The following SALL2 variants were observed in gnomAD, a reference collection of about 807,000 sequenced individuals.
The protein encoded by SALL2 is spalt like transcription factor 2.
A neutral mutation model predicts 58.5 loss-of-function variants in SALL2; 32 were observed. The ratio of observed to expected loss-of-function variants is 0.55; its 90% CI spans 0.41 to 0.74. The LOEUF is 0.74. Among genes scored for constraint, SALL2 ranks in the 30% least tolerant of loss-of-function variants. The pLI is 0.00. For synonymous variants in SALL2, 516 were observed against 513.6 expected (o/e 1.00, Z -0.06); for missense variants, 1,201 against 1,268.9 (o/e 0.95, Z 0.81).
intron 1 of SALL2, among the ~76,000 whole-genome samples, chr14:21,531,445 T>G (rs1892456767): frequency 6.6e-6 from 1 of 152,170 alleles, no homozygotes; most frequent in East Asian, 1.9e-4. Context: ...TCACTCTTGT[T>G]GCCCAGGCTG....
rs754175930 is a variant in SALL2 at position 21,522,926 on chromosome 14, G to A, written c.2796C>T (p.Pro932=). The A allele has an allele frequency of 1.2e-6, 2 of 1,613,920 alleles. No homozygotes were observed. Among genetic ancestry groups the A allele is most frequent in the East Asian group, 2.2e-5 (1 of 44,874 alleles). Residue 932 remains proline (P), a synonymous_variant, in exon 2 of 2, where the codon CCC becomes CCT. Coordinates refer to ENST00000537235, the MANE Select transcript of SALL2 (RefSeq NM_001364564.1). Reference sequence around the variant, plus strand: ...CACAAGTGAAGAGCGGCCCCTCCTTGGGGTGGGTCTTCTGATGCTCCTCCA... The same window carrying A: ...CACAAGTGAAGAGCGGCCCCTCCTTAGGGTGGGTCTTCTGATGCTCCTCCA... ...AALEEHQKTH[P]KEGPLFTCVF...
chr14:21,525,007 G>C lies in SALL2; in HGVS notation c.715C>G (p.Leu239Val). 6.2e-7 allele frequency: 1 copy of C among 1,613,876 alleles called. No individual in the cohort carries two copies. The highest frequency in any genetic ancestry group is 8.5e-7 in the Non-Finnish European group (1 of 1,179,888). The change falls in exon 2 of 2, where the codon CTC becomes GTC. Residue 239 changes from leucine to valine, a missense_variant. Leu to Val is a conservative substitution (Grantham distance 32). Coordinates refer to ENST00000537235, the MANE Select transcript of SALL2 (RefSeq NM_001364564.1). This position sits in a 1 kb window ranked among gnomAD's most constrained non-coding sequence, Gnocchi z 4.4. ...TASSTKPLLP[L>V]FSPIKPVQTS... is the part of the protein sequence containing the mutation. ...TGGACAGGCTTGATGGGGCTGAAGA[G>C]GGGTAGTAGGGGCTTGGTGGAAGAG...
Position 21,523,426 on chromosome 14 carries a change from C to T in SALL2, c.2296G>A (p.Glu766Lys). The change falls in exon 2 of 2, where the codon GAG (glutamate) becomes AAG (lysine). Residue 766 changes from glutamate (E) to lysine (K), a missense_variant. This residue lies in a region of SALL2 where 675 missense variants were observed against 683.8 expected (regional missense o/e 0.99). Coordinates refer to ENST00000537235, the MANE Select transcript of SALL2 (RefSeq NM_001364564.1). This position sits in a 1 kb window ranked among gnomAD's most constrained non-coding sequence, Gnocchi z 4.4. ...PEEELSEEEEEEDEEEEEDVT... is the reference protein window; with the variant it reads ...PEEELSEEEEKEDEEEEEDVT... ...TCTTCCTCTTCTTCCTCATCCTCCT[C>T]TTCCTCCTCCTCAGACAACTCCTCT... 6.2e-7 allele frequency: 1 copy of T among 1,613,768 alleles called. No homozygotes were observed. Among genetic ancestry groups the T allele is most frequent in the Non-Finnish European group, 8.5e-7 (1 of 1,179,774 alleles).
rs907553203 is a variant in SALL2, at chr14:21,522,447, T to C, written c.*257A>G. On this transcript the variant is annotated 3_prime_UTR_variant, in exon 2 of 2. Transcript: ENST00000537235. Reference sequence around the variant, plus strand: ...GTCACACCAGGGAAGCTGGAGAGGGTTCCCCTTGAGAAAGCTGCAGAGAAT... The same window carrying C: ...GTCACACCAGGGAAGCTGGAGAGGGCTCCCCTTGAGAAAGCTGCAGAGAAT... The C allele has an allele frequency of 6.4e-5, 90 of 1,400,628 alleles. No individual in the cohort carries two copies. Among genetic ancestry groups the C allele is most frequent in the African/African-American group, 8.7e-5 (6 of 69,126 alleles). The allele number at this position is 1,400,628 out of a possible 1,614,324, so 86.8% of individuals were successfully genotyped here. A position where few individuals can be genotyped will look rare whatever the true frequency, so the allele number is the denominator to read the frequency against.
At chr14:21,535,656 C>G (rs1373297724) in intron 1 of SALL2, among the ~76,000 whole-genome samples, 1 of 152,178 alleles carries the variant, frequency 6.6e-6, no homozygotes, top group Non-Finnish European at 1.5e-5. Flanking sequence ...CAGCCAAGGT[C>G]ACATAGCTAA....
At chr14:21,526,487 G>A (rs1334619976), upstream of SALL2, 5 of 1,255,166 alleles carry the variant, frequency 4.0e-6, no homozygotes, top group Non-Finnish European at 5.0e-6. Flanking sequence ...CGGAGGCGCA[G>A]TGACAGGTGC....
chr14:21,532,992 T>TAAAA (rs1566518907), intron 1 of SALL2, among the ~76,000 whole-genome samples: 1 of 151,100 alleles, frequency 6.6e-6, no homozygotes, highest in Non-Finnish European at 1.5e-5. Context: ...AATAAATAAA[T>TAAAA]AAAATAATAA....
Position 21,525,648 on chromosome 14 carries a change from G to C in SALL2, c.74C>G (p.Ala25Gly). ...CGEPAELGGD[A>G]SEEDHPQVCA... ...GACTTGGGGGTGATCCTCCTCGCTA[G>C]CATCACCTGGGGAGAAGACAAGGAG... Residue 25 changes from alanine to glycine, a missense_variant, in exon 2 of 2, where the codon GCT (alanine) becomes GGT (glycine). By Grantham distance (60) the Ala-to-Gly change is moderately conservative. Coordinates refer to ENST00000537235, the MANE Select transcript of SALL2 (RefSeq NM_001364564.1). This position sits in a 1 kb window ranked among gnomAD's most constrained non-coding sequence, Gnocchi z 4.4. The C allele has an allele frequency of 6.4e-7, 1 of 1,570,824 alleles. No homozygotes were observed. The highest frequency in any genetic ancestry group is 2.2e-5 in the East Asian group (1 of 44,448).
chr14:21,526,015 C>CCCCCACCCCCCCCCCCCCCA, intron 1 of SALL2, 46 bp downstream of exon 1: 2 of 888,448 alleles, frequency 2.3e-6, no homozygotes, highest in Non-Finnish European at 3.6e-6. Flanking sequence ...CCCTGCGCAT[C>CCCCCACCCCCCCCCCCCCCA]CCCCTCCGCC....
In SALL2 at chr14:21,525,390, C is replaced by T; in HGVS notation, c.332G>A (p.Gly111Asp). ...GSSVPTDPTW[G>D]PERRGEESSG... ...AGACTCCTCTCCTCTCCTCTCTGGGCCCCAGGTGGGATCCGTGGGCACGGA... is the reference window on the plus strand; with the variant it reads ...AGACTCCTCTCCTCTCCTCTCTGGGTCCCAGGTGGGATCCGTGGGCACGGA... Residue 111 changes from glycine (G) to aspartate (D), a missense_variant, in exon 2 of 2, where the codon GGC becomes GAC. By Grantham distance (94) the Gly-to-Asp change is moderately conservative. Around this residue, in one of 3 missense-constraint regions of SALL2, gnomAD observed 467 missense variants for 468.9 expected, o/e 1.00. Coordinates refer to ENST00000537235, the MANE Select transcript of SALL2 (RefSeq NM_001364564.1). This position sits in a 1 kb window ranked among gnomAD's most constrained non-coding sequence, Gnocchi z 4.4. The T allele has an allele frequency of 6.2e-7, 1 of 1,614,024 alleles. No individual in the cohort carries two copies. The highest frequency in any genetic ancestry group is 2.2e-5 in the East Asian group (1 of 44,866).
rs562279739 is a variant in SALL2, at chr14:21,532,999, A to G, written c.-114+3963T>C. 3.3e-5 allele frequency among the ~76,000 whole-genome samples: 5 copies of G among 151,830 alleles called. No homozygotes were observed. The East Asian group carries it at 9.7e-4, about 30-fold the overall frequency. ...AATAAATAAATAAATAAATAAAATAATAATAATAACGGAGTTGGGAGGAAA... is the reference window on the plus strand; with the variant it reads ...AATAAATAAATAAATAAATAAAATAGTAATAATAACGGAGTTGGGAGGAAA... On this transcript the variant is annotated intron_variant, in intron 1 of 1. Transcript: ENST00000541965.
At chr14:21,536,769 G>T in intron 1 of SALL2, 2 of 1,183,562 alleles carry the variant, frequency 1.7e-6, no homozygotes, top group Non-Finnish European at 2.5e-6. Flanking sequence ...TTCGCCCATG[G>T]CCCGAGTGCC....
rs1892237826 is a variant in SALL2, at chr14:21,525,170, T to C, written c.552A>G (p.Leu184=). The C allele has an allele frequency of 6.2e-7, 1 of 1,613,940 alleles. No individual in the cohort carries two copies. The highest frequency in any genetic ancestry group is 8.5e-7 in the Non-Finnish European group (1 of 1,179,946). ...GGATCTGCCGCTGCTGCAGCACCCG[T>C]AGCTCTTCCAAGATCAGGGGGATAT... ...HLNIPLILEE[L]RVLQQRQIHQ... Residue 184 remains leucine, a synonymous_variant, in exon 2 of 2, where the codon CTA becomes CTG. Transcript: ENST00000537235. This position sits in a 1 kb window ranked among gnomAD's most constrained non-coding sequence, Gnocchi z 4.4.
Position 21,525,225 on chromosome 14 carries a change from G to A in SALL2, c.497C>T (p.Pro166Leu), listed in dbSNP as rs144885457. 11,183 of 1,612,312 alleles carry A rather than the reference G, an allele frequency of 6.9e-3. 61 individuals are homozygous for A. Among genetic ancestry groups the A allele is most frequent in the East Asian group, 0.019 (835 of 44,876 alleles). Residue 166 changes from proline (P) to leucine (L), a missense_variant, in exon 2 of 2, where the codon CCG becomes CTG. Pro to Leu is a moderately conservative substitution (Grantham distance 98). Around this residue, in one of 3 missense-constraint regions of SALL2, gnomAD observed 467 missense variants for 468.9 expected, o/e 1.00. Transcript: ENST00000537235. This position sits in a 1 kb window ranked among gnomAD's most constrained non-coding sequence, Gnocchi z 4.4. ...GTGGCCACTGCCTACCCCTGGGGGC[G>A]GAGGGGGTGGTGGAGGAGGAGGGGG... The part of the protein sequence containing the change: ...PAPPPPPPPP[P>L]PPGVGSGHLN...
In SALL2 at chr14:21,525,670, GGA is replaced by G; in HGVS notation, c.68-18_68-17del. ...CTAGCATCACCTGGGGAGAAGACAA[GGA>G]GAGAGAGCGTGGGTGGCGCAGTTGG... is the stretch of plus-strand genomic sequence containing the variant. On this transcript the variant is annotated splice_polypyrimidine_tract_variant and intron_variant, in intron 1 of 1. Coordinates refer to ENST00000537235, the MANE Select transcript of SALL2 (RefSeq NM_001364564.1). This position sits in a 1 kb window ranked among gnomAD's most constrained non-coding sequence, Gnocchi z 4.4. 1.3e-6 allele frequency: 2 copies of G among 1,550,806 alleles called. No homozygotes were observed. The highest frequency in any genetic ancestry group is 1.7e-6 in the Non-Finnish European group (2 of 1,146,572).
Position 21,523,101 on chromosome 14 carries a change from G to A in SALL2, c.2621C>T (p.Ala874Val). 1 of 1,614,172 alleles carries A rather than the reference G, an allele frequency of 6.2e-7. No homozygotes were observed. The highest frequency in any genetic ancestry group is 8.5e-7 in the Non-Finnish European group (1 of 1,180,040). Reference sequence around the variant, plus strand: ...TTCCCCTTCTGGGGTGAGTGCTGATGCCGGACTTGAGCTTCTCTCCGGTTT... The same window carrying A: ...TTCCCCTTCTGGGGTGAGTGCTGATACCGGACTTGAGCTTCTCTCCGGTTT... The part of the protein sequence containing the change: ...GGKPERSSSP[A>V]SALTPEGEAT... Residue 874 changes from alanine (A) to valine (V), a missense_variant, in exon 2 of 2, where the codon GCA becomes GTA. Around this residue, in one of 3 missense-constraint regions of SALL2, gnomAD observed 675 missense variants for 683.8 expected, o/e 0.99. Coordinates refer to ENST00000537235, the MANE Select transcript of SALL2 (RefSeq NM_001364564.1). The surrounding 1 kb of genome is among the most constrained non-coding windows in gnomAD (Gnocchi z 4.4).
In SALL2 at chr14:21,522,077, T is replaced by C. The variant is rs979215710; in HGVS notation, c.*627A>G. The C allele has an allele frequency of 1.2e-5, 19 of 1,597,502 alleles. No individual in the cohort carries two copies. The highest frequency in any genetic ancestry group is 1.6e-5 in the Non-Finnish European group (19 of 1,179,548). On this transcript the variant is annotated 3_prime_UTR_variant, in exon 2 of 2. Transcript: ENST00000537235. ...CAGGAGGCTGAAATAGGAGGGGGGC[T>C]GTCTTCTCCTTGGCTTCCCTGGATC...
At chr14:21,536,838 C>A (rs548874600) in intron 1 of SALL2, 3 of 1,613,780 alleles carry the variant, frequency 1.9e-6, no homozygotes, top group Non-Finnish European at 1.7e-6. Context: ...CACCCCTCCC[C>A]AGGCACCCAC....
exon 1 of SALL2, chr14:21,537,002 G>A: frequency 8.0e-7 from 1 of 1,246,452 alleles, no homozygotes. Context: ...CTCCCCCTTG[G>A]GTCCGAAGCC....
Sources: allele counts gnomAD v4.1 joint callset (sites outside exome capture counted in the v4.1 genomes callset), GRCh38; gene constraint gnomAD v4.1.1; regional missense constraint gnomAD v4.1.1; non-coding constraint Gnocchi (gnomAD v3.1); transcripts MANE v1.5; gene names NCBI Gene and HGNC (gene_info 2026-07-23, HGNC 2026-07-21).